LRCH3: variants seen among roughly 807,000 people sequenced by gnomAD.
The protein encoded by LRCH3 is DISP complex protein LRCH3.
In LRCH3, 68 loss-of-function variants were observed where a neutral mutation model predicts 104.5. The observed-to-expected ratio is 0.65, with a 90% CI of 0.54 to 0.80. The LOEUF is 0.80. Ranked by LOEUF, LRCH3 falls within the 30% of genes least tolerant of loss-of-function variation. The probability of loss-of-function intolerance (pLI) is 0.00; values close to 1 mark genes in which losing one functional copy is unlikely to be tolerated. For missense variants in LRCH3, 951 were observed against 953.9 expected (o/e 1.00, Z 0.04); for synonymous variants, 344 against 361.3 (o/e 0.95, Z 0.54).
intron 10 of LRCH3, among the ~76,000 whole-genome samples, chr3:197,840,354 G>C (rs1201001669): frequency 6.6e-6 from 1 of 152,222 alleles, no homozygotes; most frequent in Non-Finnish European, 1.5e-5. Flanking sequence ...GTAGTCTCCA[G>C]GCTGAGGCAG....
intron 1 of LRCH3, among the ~76,000 whole-genome samples, chr3:197,811,118 G>A (rs1580591340): frequency 6.6e-6 from 1 of 152,144 alleles, no homozygotes; most frequent in African/African-American, 2.4e-5. Context: ...TCATCACGGG[G>A]TCTTCAGTGA....
chr3:197,861,028 A>G (rs908927294), intron 15 of LRCH3, among the ~76,000 whole-genome samples: 12 of 150,794 alleles, frequency 8.0e-5, no homozygotes, highest in Non-Finnish European at 2.9e-5. Flanking sequence ...TTAGAGTGCA[A>G]TGGCACAATC....
chr3:197,847,540 T>A, intron 11 of LRCH3, 80 bp downstream of exon 11: 2 of 1,230,056 alleles, frequency 1.6e-6, no homozygotes, highest in Non-Finnish European at 2.3e-6. Context: ...AAATTGCCAT[T>A]AATTGCCAGG....
chr3:197,858,829 T>C lies in LRCH3; in HGVS notation c.1645-5T>C. The C allele has an allele frequency of 6.2e-7, 1 of 1,612,408 alleles. No individual in the cohort carries two copies. ...TGTTTCTTCTCTTTCTCATTTGAAATGTAGTCGCTGTCAGGGTTGAATCAA... is the reference window on the plus strand; with the variant it reads ...TGTTTCTTCTCTTTCTCATTTGAAACGTAGTCGCTGTCAGGGTTGAATCAA... On this transcript the variant is annotated splice_region_variant and splice_polypyrimidine_tract_variant and intron_variant, in intron 14 of 20. Transcript: ENST00000425562.
chr3:197,850,933 G>A, intron 12 of LRCH3: 1 of 809,592 alleles, frequency 1.2e-6, no homozygotes, highest in Admixed American at 1.7e-5. Context: ...GGGTTCTCCG[G>A]GTCAAGTGAA....
At position 197,848,028 on chromosome 3, in the gene LRCH3, C is replaced by T. The variant is rs750063407; in HGVS notation, c.1530+7C>T. 4 of 1,613,556 alleles carry T rather than the reference C, an allele frequency of 2.5e-6. No individual in the cohort carries two copies. Among genetic ancestry groups the T allele is most frequent in the Non-Finnish European group, 3.4e-6 (4 of 1,179,796 alleles). On this transcript the variant is annotated splice_region_variant and intron_variant, in intron 12 of 20. Transcript: ENST00000425562. ...TGTCCTGGACTTTGTCAAAGTGAGT[C>T]GTTTGAATGATGCTGTTCAAGCTGC...
At chr3:197,817,863 T>C (rs1193776952) in intron 3 of LRCH3, among the ~76,000 whole-genome samples, 1 of 152,090 alleles carries the variant, frequency 6.6e-6, no homozygotes, top group Non-Finnish European at 1.5e-5. Flanking sequence ...CTCTGTCACC[T>C]AGGCTGGAGT....
intron 8 of LRCH3, among the ~76,000 whole-genome samples, chr3:197,835,471 G>C (rs1580720997): frequency 7.5e-6 from 1 of 133,678 alleles, no homozygotes; most frequent in Non-Finnish European, 1.5e-5. Context: ...ACAGGCGTGA[G>C]CCACCAACCT....
chr3:197,830,750 AC>A lies in LRCH3; in HGVS notation c.888-19del. 1 of 1,590,396 alleles carries A rather than the reference AC, an allele frequency of 6.3e-7. No individual in the cohort carries two copies. Among genetic ancestry groups the A allele is most frequent in the Non-Finnish European group, 8.6e-7 (1 of 1,161,972 alleles). On this transcript the variant is annotated intron_variant, in intron 6 of 20. Coordinates refer to ENST00000425562, the MANE Select transcript of LRCH3 (RefSeq NM_001365715.1). Reference sequence around the variant, plus strand: ...TGTTAAAATAACAAACTTTGCAGTAACAGAGTCTCTTTTCGGCAGCCATGAA... The same window carrying A: ...TGTTAAAATAACAAACTTTGCAGTAAAGAGTCTCTTTTCGGCAGCCATGAA...
intron 1 of LRCH3, among the ~76,000 whole-genome samples, chr3:197,797,870 AAAAC>A (rs1399608122): frequency 7.0e-4 from 10 of 14,186 alleles, no homozygotes; most frequent in East Asian, 0.17. Flanking sequence ...AAAAAAAAAA[AAAAC>A]AAAAAAAACA....
At position 197,879,977 on chromosome 3, in the gene LRCH3, GCT is replaced by G. The variant is rs1479778656; in HGVS notation, c.2209-3561_2209-3560del. Among the ~76,000 whole-genome samples, 453 of 145,908 alleles carry G rather than the reference GCT, an allele frequency of 3.1e-3. 2 individuals are homozygous for G. Among genetic ancestry groups the G allele is most frequent in the African/African-American group, 0.011 (418 of 38,912 alleles). Reference sequence around the variant, plus strand: ...TTTTTTTTTTTTGAGACGGAGTCTCGCTCTGTCACCCAGGCTGGAGTGCGGTG... The same window carrying G: ...TTTTTTTTTTTTGAGACGGAGTCTCGCTGTCACCCAGGCTGGAGTGCGGTG... On this transcript the variant is annotated intron_variant, in intron 20 of 20. Transcript: ENST00000425562.
chr3:197,833,855 A>C (rs532024044), intron 8 of LRCH3, among the ~76,000 whole-genome samples: 8 of 152,204 alleles, frequency 5.3e-5, no homozygotes, highest in Non-Finnish European at 1.0e-4. Context: ...TTCTTCAGAA[A>C]TCGTCTTAAT....
chr3:197,803,623 C>T (rs775465967), intron 1 of LRCH3, among the ~76,000 whole-genome samples: 10 of 151,652 alleles, frequency 6.6e-5, no homozygotes, highest in Admixed American at 1.3e-4. Flanking sequence ...TGAGATTGCA[C>T]CACTGCACTC....
chr3:197,830,199 C>G (rs183117790), intron 6 of LRCH3, among the ~76,000 whole-genome samples: 127 of 152,306 alleles, frequency 8.3e-4, no homozygotes, highest in African/African-American at 2.9e-3. Context: ...CCCTCAGCTA[C>G]ACAGCCTGTG....
chr3:197,791,341 G>A lies in LRCH3; in HGVS notation c.63G>A (p.Ser21=), dbSNP rs1730464432. The A allele has an allele frequency of 6.2e-7, 1 of 1,608,376 alleles. No homozygotes were observed. Residue 21 remains serine (S), a synonymous_variant, in exon 1 of 21, where the codon TCG becomes TCA. Coordinates refer to ENST00000425562, the MANE Select transcript of LRCH3 (RefSeq NM_001365715.1). ...AAAEYSGTVA[S]GGNLPGVHCG... ...CCGAGTACTCTGGCACGGTAGCGTC[G>A]GGAGGTAACCTCCCTGGTGTTCACT...
intron 12 of LRCH3, among the ~76,000 whole-genome samples, chr3:197,851,996 C>G (rs1312872567): frequency 6.6e-6 from 1 of 152,162 alleles, no homozygotes; most frequent in East Asian, 1.9e-4. Context: ...TTTCTCATCT[C>G]TAAATGAATA....
At chr3:197,837,119 A>G (rs1367439603) in intron 9 of LRCH3, among the ~76,000 whole-genome samples, 1 of 152,222 alleles carries the variant, frequency 6.6e-6, no homozygotes, top group Non-Finnish European at 1.5e-5. Context: ...CCTACAGCCC[A>G]GAGATGGCAG....
rs1714234458 is a variant in LRCH3, at chr3:197,886,823, A to C, written c.*3157A>C. On this transcript the variant is annotated 3_prime_UTR_variant, in exon 21 of 21. Transcript: ENST00000425562. ...CTGTCTCAAAAAAAAAAAAAAAAAAAAACCCACCAAACCAAAAATATACTA... is the reference window on the plus strand; with the variant it reads ...CTGTCTCAAAAAAAAAAAAAAAAAACAACCCACCAAACCAAAAATATACTA... 1 of 151,914 alleles carries C rather than the reference A, an allele frequency of 6.6e-6. No individual in the cohort carries two copies. The highest frequency in any genetic ancestry group is 1.5e-5 in the Non-Finnish European group (1 of 68,140). The allele number at this position is 151,914 out of a possible 1,614,324, so 9.4% of individuals were successfully genotyped here.
At chr3:197,816,541 G>C (rs774335836) in intron 2 of LRCH3, among the ~76,000 whole-genome samples, 1 of 152,128 alleles carries the variant, frequency 6.6e-6, no homozygotes, top group East Asian at 1.9e-4. Flanking sequence ...TGGCCTCCCA[G>C]AGTGCTGGGA....
Sources: gnomAD v4.1 joint callset for allele counts (sites outside exome capture counted in the v4.1 genomes callset) on GRCh38, gnomAD v4.1.1 for gene constraint, MANE v1.5 for transcripts, NCBI Gene and HGNC (gene_info 2026-07-23, HGNC 2026-07-21) for gene names.